The following DMPK variants were observed in gnomAD, a reference collection of about 807,000 sequenced individuals.
DMPK encodes myotonin-protein kinase.
Under a neutral mutation model 70.3 loss-of-function variants are expected in DMPK, and 32 were observed. The ratio of observed to expected loss-of-function variants is 0.46; its 90% CI spans 0.34 to 0.61. The LOEUF (loss-of-function observed/expected upper bound fraction) is 0.61. Ranked by LOEUF, DMPK falls within the 20% of genes least tolerant of loss-of-function variation. The pLI, the probability that DMPK is intolerant of heterozygous loss-of-function variation, is 0.01. For missense variants in DMPK, 899 were observed against 886.0 expected (o/e 1.01, Z -0.19); for synonymous variants, 469 against 390.9 (o/e 1.20, Z -2.36).
rs772727496 is a variant in DMPK at position 45,778,475 on chromosome 19, C to T, written c.581+18G>A. ...CCAGGGAACAAGCTTGCTATCCCCTCGGCCATGCTGCACCCACCTGTGCAC... is the reference window on the plus strand; with the variant it reads ...CCAGGGAACAAGCTTGCTATCCCCTTGGCCATGCTGCACCCACCTGTGCAC... On this transcript the variant is annotated intron_variant, in intron 5 of 14. Transcript: ENST00000291270. 14 of 1,610,526 alleles carry T rather than the reference C, an allele frequency of 8.7e-6. No homozygotes were observed. In the East Asian group the frequency reaches 2.0e-4, roughly 23 times the overall value.
Position 45,777,211 on chromosome 19 carries a change from G to A in DMPK, c.1146+116C>T. The A allele has an allele frequency of 2.2e-6, 3 of 1,348,760 alleles. No homozygotes were observed. Among genetic ancestry groups the A allele is most frequent in the Non-Finnish European group, 2.9e-6 (3 of 1,017,942 alleles). The allele number at this position is 1,348,760 out of a possible 1,614,324, so 83.5% of individuals were successfully genotyped here. ...TCAGTAGTAGATGGGCACAGAGCAG[G>A]TGCTCTGGGGAATGAGTGATTCAGG... On this transcript the variant is annotated intron_variant, in intron 8 of 14. Coordinates refer to ENST00000291270, the MANE Select transcript of DMPK (RefSeq NM_004409.5). The surrounding 1 kb of genome is among the most constrained non-coding windows in gnomAD (Gnocchi z 6.7).
In DMPK at chr19:45,777,932, G is replaced by A; in HGVS notation, c.676-59C>T. On this transcript the variant is annotated intron_variant, in intron 6 of 14. Transcript: ENST00000291270. The surrounding 1 kb of genome is among the most constrained non-coding windows in gnomAD (Gnocchi z 6.7). Reference sequence around the variant, plus strand: ...CACCCCTCTGGGCCCACCAGCTCTGGGCCCTCCTTCCAACCACTCCCCAAA... The same window carrying A: ...CACCCCTCTGGGCCCACCAGCTCTGAGCCCTCCTTCCAACCACTCCCCAAA... 1 of 1,508,894 alleles carries A rather than the reference G, an allele frequency of 6.6e-7. No individual in the cohort carries two copies. Among genetic ancestry groups the A allele is most frequent in the East Asian group, 2.3e-5 (1 of 44,078 alleles). 93.5% of individuals were successfully genotyped at this position (1,508,894 alleles called of 1,614,324 possible).
At position 45,771,264 on chromosome 19, in the gene DMPK, A is replaced by G. The variant is rs75494688; in HGVS notation, c.1647+86T>C. 8.2e-3 allele frequency: 12,426 copies of G among 1,508,446 alleles called. 863 individuals carry two copies. The African/African-American group carries it at 0.15, about 18-fold the overall frequency. 93.4% of individuals were successfully genotyped at this position (1,508,446 alleles called of 1,614,324 possible). A position where few individuals can be genotyped will look rare whatever the true frequency, so the allele number is the denominator to read the frequency against. Reference sequence around the variant, plus strand: ...GTCGCAAAGACGTAGGGTGAGCCCTATATCTGGACGGGGAGACCAGGAGCC... The same window carrying G: ...GTCGCAAAGACGTAGGGTGAGCCCTGTATCTGGACGGGGAGACCAGGAGCC... On this transcript the variant is annotated intron_variant, in intron 13 of 14. Coordinates refer to ENST00000291270, the MANE Select transcript of DMPK (RefSeq NM_004409.5).
At position 45,778,556 on chromosome 19, in the gene DMPK, C is replaced by A; in HGVS notation, c.518G>T (p.Arg173Leu). ...FGERIPAEMA[R>L]FYLAEIVMAI... is the part of the protein sequence containing the mutation. ...CATGACAATCTCCGCCAGGTAGAAG[C>A]GCGCCATCTCGGCCGGAATCCGCTC... Residue 173 changes from arginine to leucine, a missense_variant, in exon 5 of 15, where the codon CGC becomes CTC. By Grantham distance (102) the Arg-to-Leu change is moderately radical. Around this residue, in one of 3 missense-constraint regions of DMPK, gnomAD observed 195 missense variants for 259.7 expected, o/e 0.75. Transcript: ENST00000291270. 1 of 1,613,988 alleles carries A rather than the reference C, an allele frequency of 6.2e-7. No homozygotes were observed. The highest frequency in any genetic ancestry group is 8.5e-7 in the Non-Finnish European group (1 of 1,180,020).
chr19:45,779,706 C>T (rs1184263936), intron 2 of DMPK, 72 bp downstream of exon 2: 1 of 1,530,422 alleles, frequency 6.5e-7, no homozygotes, highest in Non-Finnish European at 8.8e-7. Context: ...TCATCAATTT[C>T]TAAGGCCCCG....
intron 1 of DMPK, among the ~76,000 whole-genome samples, chr19:45,781,810 G>C (rs1025149772): frequency 2.6e-5 from 4 of 152,198 alleles, no homozygotes; most frequent in African/African-American, 7.2e-5. Flanking sequence ...GGAAACCAGG[G>C]GAGAGGGCCA....
intron 12 of DMPK, 51 bp downstream of exon 12, chr19:45,771,517 C>T (rs774479026): frequency 1.4e-5 from 22 of 1,611,690 alleles, no homozygotes; most frequent in Admixed American, 6.7e-5. Flanking sequence ...GCGGAGCAGA[C>T]GGCCCACCTC....
In DMPK at chr19:45,779,823, G is replaced by T; in HGVS notation, c.207C>A (p.Asp69Glu). The T allele has an allele frequency of 6.3e-7, 1 of 1,588,556 alleles. No individual in the cohort carries two copies. The highest frequency in any genetic ancestry group is 8.6e-7 in the Non-Finnish European group (1 of 1,165,386). Reference sequence around the variant, plus strand: ...CGATCACCTTCAGAATCTCGAAGTCGTCCCTCTGCAGTCGGACCTCCTTAA... The same window carrying T: ...CGATCACCTTCAGAATCTCGAAGTCTTCCCTCTGCAGTCGGACCTCCTTAA... Reference protein sequence around the residue: ...VRLKEVRLQRDDFEILKVIGR... With the variant: ...VRLKEVRLQREDFEILKVIGR... Residue 69 changes from aspartate to glutamate, a missense_variant, in exon 2 of 15, where the codon GAC becomes GAA. Asp to Glu is a conservative substitution (Grantham distance 45). Around this residue, in one of 3 missense-constraint regions of DMPK, gnomAD observed 149 missense variants for 142.5 expected, o/e 1.05. Coordinates refer to ENST00000291270, the MANE Select transcript of DMPK (RefSeq NM_004409.5).
Position 45,777,639 on chromosome 19 carries a change from G to A in DMPK, c.882+28C>T, listed in dbSNP as rs1208034893. On this transcript the variant is annotated intron_variant, in intron 7 of 14. Transcript: ENST00000291270. The surrounding 1 kb of genome is among the most constrained non-coding windows in gnomAD (Gnocchi z 6.7). ...TAGCCTGGGAGCGCCTACCGGGAGAGGCCAGGTCTCCCTGCGGCCGTGCTC... is the reference window on the plus strand; with the variant it reads ...TAGCCTGGGAGCGCCTACCGGGAGAAGCCAGGTCTCCCTGCGGCCGTGCTC... 6.2e-7 allele frequency: 1 copy of A among 1,613,708 alleles called. No homozygotes were observed. Among genetic ancestry groups the A allele is most frequent in the South Asian group, 1.1e-5 (1 of 91,076 alleles).
chr19:45,770,803 T>C (rs1969359446), intron 14 of DMPK, 163 bp from the exon 15 acceptor site: 2 of 993,228 alleles, frequency 2.0e-6, no homozygotes, highest in Non-Finnish European at 2.9e-6. Flanking sequence ...TCGAATCCCG[T>C]CCGAACTCGT....
intron 2 of DMPK, 23 bp downstream of exon 2, chr19:45,779,755 G>A (rs1200351811): frequency 6.5e-7 from 1 of 1,541,568 alleles, no homozygotes; most frequent in Admixed American, 2.0e-5. Context: ...AGTCAAGTCA[G>A]GCTCCCGCCC....
rs1200981550 is a variant in DMPK, at chr19:45,779,536, A to G, written c.253-14T>C. On this transcript the variant is annotated splice_polypyrimidine_tract_variant and intron_variant, in intron 2 of 14. Transcript: ENST00000291270. ...CACTACCGCTACCTGAGGTCGAGAT[A>G]GTGAGACAGAGTGGAGACGGCGGGA... The G allele has an allele frequency of 3.1e-6, 5 of 1,613,610 alleles. No individual in the cohort carries two copies. The highest frequency in any genetic ancestry group is 4.2e-6 in the Non-Finnish European group (5 of 1,179,894).
intron 4 of DMPK, 120 bp downstream of exon 4, chr19:45,779,144 C>A: frequency 9.8e-7 from 1 of 1,024,038 alleles, no homozygotes; most frequent in East Asian, 2.4e-5. Context: ...CGCACACAGA[C>A]TTTCCCACAG....
chr19:45,777,542 G>C lies in DMPK; in HGVS notation c.931C>G (p.Arg311Gly), dbSNP rs762280354. Residue 311 changes from arginine (R) to glycine (G), a missense_variant, in exon 8 of 15, where the codon CGA (arginine) becomes GGA (glycine). Arg to Gly is a moderately radical substitution (Grantham distance 125). Around this residue, in one of 3 missense-constraint regions of DMPK, gnomAD observed 555 missense variants for 483.8 expected, o/e 1.15. Transcript: ENST00000291270. This position sits in a 1 kb window ranked among gnomAD's most constrained non-coding sequence, Gnocchi z 6.7. The stretch of plus-strand genomic sequence containing the variant: ...CACAGCAACCGCTGAATGAAGTCTC[G>C]AGCCTCCTCAGGGACCCCTTCGTCC... ...LVDEGVPEEA[R>G]DFIQRLLCPP... The C allele has an allele frequency of 3.1e-6, 5 of 1,613,626 alleles. No individual in the cohort carries two copies. In the Admixed American group the frequency reaches 5.0e-5, roughly 16 times the overall value.
chr19:45,777,426 G>A lies in DMPK; in HGVS notation c.1047C>T (p.Asp349=). The A allele has an allele frequency of 1.2e-6, 2 of 1,613,476 alleles. No homozygotes were observed. Among genetic ancestry groups the A allele is most frequent in the Non-Finnish European group, 1.7e-6 (2 of 1,179,978 alleles). Residue 349 remains aspartate (D), a synonymous_variant, in exon 8 of 15, where the codon GAC becomes GAT. Coordinates refer to ENST00000291270, the MANE Select transcript of DMPK (RefSeq NM_004409.5). The surrounding 1 kb of genome is among the most constrained non-coding windows in gnomAD (Gnocchi z 6.7). Reference sequence around the variant, plus strand: ...AATCCGGTGTAAAGGGGGGCACGCTGTCCCGGAGACCATCCCAGTCGAGGC... The same window carrying A: ...AATCCGGTGTAAAGGGGGGCACGCTATCCCGGAGACCATCCCAGTCGAGGC... ...FFGLDWDGLR[D]SVPPFTPDFE...
chr19:45,773,672 A>C (rs1165043554), intron 9 of DMPK, among the ~76,000 whole-genome samples: 2 of 152,192 alleles, frequency 1.3e-5, no homozygotes. Context: ...TTTTGTTGAG[A>C]CCAGGTCTCA....
chr19:45,772,826 T>C (rs1969550846), intron 9 of DMPK, 74 bp from the exon 10 acceptor site: 1 of 843,084 alleles, frequency 1.2e-6, no homozygotes, highest in Non-Finnish European at 1.7e-6. Flanking sequence ...ACTTCTGGCC[T>C]GTGGGTAGGG....
chr19:45,770,428 G>A lies in DMPK; in HGVS notation c.*60C>T, dbSNP rs1969311481. ...GGCAGGCGGTGGGCGCGGCTTCTGT[G>A]CCGTGCCCCGGGCACTCAGTCTTCC... On this transcript the variant is annotated 3_prime_UTR_variant, in exon 15 of 15. Coordinates refer to ENST00000291270, the MANE Select transcript of DMPK (RefSeq NM_004409.5). The A allele has an allele frequency of 1.9e-6, 3 of 1,539,428 alleles. No homozygotes were observed. The highest frequency in any genetic ancestry group is 1.2e-5 in the South Asian group (1 of 83,700).
intron 6 of DMPK, 119 bp downstream of exon 6, chr19:45,778,008 A>C: frequency 1.6e-6 from 2 of 1,216,510 alleles, no homozygotes; most frequent in Middle Eastern, 3.8e-4. Flanking sequence ...ACAGATGCAC[A>C]CTTAAGCCTG....
Sources: allele counts gnomAD v4.1 joint callset (sites outside exome capture counted in the v4.1 genomes callset), GRCh38; gene constraint gnomAD v4.1.1; regional missense constraint gnomAD v4.1.1; non-coding constraint Gnocchi (gnomAD v3.1); transcripts MANE v1.5; gene names NCBI Gene and HGNC (gene_info 2026-07-23, HGNC 2026-07-21).